CHD1L: variants seen among roughly 807,000 people sequenced by gnomAD.
CHD1L encodes chromodomain helicase DNA binding protein 1 like.
A neutral mutation model predicts 115.9 loss-of-function variants in CHD1L; 118 were observed. That is an observed-to-expected ratio of 1.02 (90% confidence interval 0.88 to 1.19). The LOEUF (loss-of-function observed/expected upper bound fraction) is 1.19. Ranked by LOEUF, CHD1L falls within the 50% of genes most tolerant of loss-of-function variation. The pLI, the probability that CHD1L is intolerant of heterozygous loss-of-function variation, is 0.00. For synonymous variants in CHD1L, 411 were observed against 387.1 expected, an observed-to-expected ratio of 1.06 and a Z score of -0.72; for missense variants, 1,179 against 1,065.3, an observed-to-expected ratio of 1.11 and a Z score of -1.49.
At chr1:147,185,107 G>A in the CHD1L span, among the ~76,000 whole-genome samples, 11 of 152,074 alleles carry the variant, frequency 7.2e-5, no homozygotes, top group South Asian at 1.2e-3. Flanking sequence ...TGTATCTTAA[G>A]TTGTTTTGAG....
At chr1:147,184,449 C>T in the CHD1L span, 5 of 1,381,874 alleles carry the variant, frequency 3.6e-6, no homozygotes, top group Admixed American at 7.0e-5. This position sits in a 1 kb window ranked among gnomAD's most constrained non-coding sequence, Gnocchi z 4.4. Flanking sequence ...AGTTCTTTTT[C>T]TGTTGCAGGA....
chr1:147,256,502 C>T, intron 4 of CHD1L, 29 bp from the exon 5 acceptor site: 2 of 1,604,920 alleles, frequency 1.2e-6, no homozygotes, highest in South Asian at 1.1e-5. Context: ...CAATGCCAGC[C>T]TTTATAACGT....
the CHD1L span, among the ~76,000 whole-genome samples, chr1:147,176,999 A>C: frequency 2.6e-5 from 4 of 151,932 alleles, no homozygotes; most frequent in Admixed American, 6.6e-5. Context: ...ACACACATAT[A>C]TTTCCAAGTT....
chr1:147,259,661 C>T, intron 5 of CHD1L, 176 bp from the exon 6 acceptor site: 3 of 533,830 alleles, frequency 5.6e-6, no homozygotes, highest in Non-Finnish European at 6.7e-6. Flanking sequence ...CTACCTTATC[C>T]AGATATTGTA....
At chr1:147,190,318 A>G in the CHD1L span, 11 of 982,244 alleles carry the variant, frequency 1.1e-5, no homozygotes, top group African/African-American at 1.3e-4. Context: ...ATAAACAATT[A>G]CTATGCTATG....
chr1:147,225,074 A>C, the CHD1L span: 1 of 1,612,692 alleles, frequency 6.2e-7, no homozygotes, highest in Non-Finnish European at 8.5e-7. Context: ...GTCCTAAAGA[A>C]AGGATGACAA....
rs782217153 is a variant in CHD1L at position 147,276,188 on chromosome 1, C to T, written c.1470C>T (p.Thr490=). The change falls in exon 14 of 23, where the codon ACC becomes ACT. Residue 490 remains threonine (T), a synonymous_variant. Transcript: ENST00000369258. ...AAGCAGCCTCCAAACTGCAGCTCACCAACATGATCATAGAAGGAGGCCATT... is the reference window on the plus strand; with the variant it reads ...AAGCAGCCTCCAAACTGCAGCTCACTAACATGATCATAGAAGGAGGCCATT... ...YRKAASKLQL[T]NMIIEGGHFT... The T allele has an allele frequency of 6.2e-7, 1 of 1,614,152 alleles. No individual in the cohort carries two copies. The highest frequency in any genetic ancestry group is 8.5e-7 in the Non-Finnish European group (1 of 1,180,012).
the CHD1L span, among the ~76,000 whole-genome samples, chr1:147,231,579 A>G: frequency 0.58 from 88,580 of 151,940 alleles, 27,862 homozygotes; most frequent in East Asian, 0.87. Flanking sequence ...TTTGTGTCAC[A>G]TTGATCTGTC....
At chr1:147,213,273 G>A in the CHD1L span, 1 of 1,548,702 alleles carries the variant, frequency 6.5e-7, no homozygotes, top group Non-Finnish European at 8.7e-7. Context: ...TCACAGGCAT[G>A]GGTCAAGGGT....
Position 147,270,152 on chromosome 1 carries a change from C to T in CHD1L, c.1086-780C>T, listed in dbSNP as rs781939472. On this transcript the variant is annotated intron_variant, in intron 10 of 22. Coordinates refer to ENST00000369258, the MANE Select transcript of CHD1L (RefSeq NM_004284.6). ...CTTGAAAGAGTTCCCCATAATTTTT[C>T]CTCTTACACTTGTTGCAAGCTCAGA... Among the ~76,000 whole-genome samples the T allele has an allele frequency of 8.5e-5, 13 of 152,304 alleles. No homozygotes were observed. The South Asian group carries it at 2.1e-3, about 24-fold the overall frequency.
Position 147,285,464 on chromosome 1 carries a change from G to A in CHD1L, c.1995G>A (p.Lys665=). ...RRLIEEKKRQ[K]EEAEHKKKMA... ...TCATAGAGGAGAAGAAGAGGCAAAA[G>A]GAAGAGGCTGAACATAAGAAAAAGT... The change falls in exon 17 of 23, where the codon AAG becomes AAA. Residue 665 remains lysine, a synonymous_variant. Transcript: ENST00000369258. 6.2e-7 allele frequency: 1 copy of A among 1,612,528 alleles called. No individual in the cohort carries two copies.
chr1:147,179,394 G>A, the CHD1L span: 205 of 1,599,320 alleles, frequency 1.3e-4, no homozygotes, highest in East Asian at 3.7e-3. Flanking sequence ...GCAAAGACCT[G>A]AATATCGTCA....
At chr1:147,233,785 G>C in the CHD1L span, among the ~76,000 whole-genome samples, 10 of 151,874 alleles carry the variant, frequency 6.6e-5, no homozygotes, top group East Asian at 7.7e-4. Flanking sequence ...CTGTTGATCT[G>C]TGACCTTACC....
chr1:147,273,602 G>A (rs1233553743), intron 12 of CHD1L, among the ~76,000 whole-genome samples: 2 of 152,220 alleles, frequency 1.3e-5, no homozygotes, highest in Non-Finnish European at 2.9e-5. Flanking sequence ...GAATCAGGCA[G>A]TGCATCATCA....
chr1:147,294,367 AT>A, intron 21 of CHD1L, 41 bp from the exon 22 acceptor site: 2 of 1,454,446 alleles, frequency 1.4e-6, no homozygotes, highest in Non-Finnish European at 1.9e-6. Flanking sequence ...CCATCAATCA[AT>A]TTTTGATGAG....
chr1:147,217,132 C>T, the CHD1L span, among the ~76,000 whole-genome samples: 4 of 151,750 alleles, frequency 2.6e-5, no homozygotes, highest in Non-Finnish European at 5.9e-5. Flanking sequence ...CCCAGCTAGT[C>T]GGGGGGCTGA....
intron 14 of CHD1L, among the ~76,000 whole-genome samples, chr1:147,277,593 T>C (rs1471966484): frequency 2.0e-5 from 3 of 152,194 alleles, no homozygotes; most frequent in Non-Finnish European, 4.4e-5. Flanking sequence ...TTTCTTTTTC[T>C]GACTTTCCTT....
intron 4 of CHD1L, 96 bp from the exon 5 acceptor site, chr1:147,256,435 A>G: frequency 9.2e-7 from 1 of 1,086,478 alleles, no homozygotes; most frequent in Non-Finnish European, 1.4e-6. Flanking sequence ...AGACTTAGAT[A>G]AATCCTATAG....
At chr1:147,213,769 C>G in the CHD1L span, among the ~76,000 whole-genome samples, 70 of 152,266 alleles carry the variant, frequency 4.6e-4, no homozygotes, top group African/African-American at 1.5e-3. Flanking sequence ...TGAGTAAAGC[C>G]TGGGCTTCTC....
Sources: gnomAD v4.1 joint callset for allele counts (sites outside exome capture counted in the v4.1 genomes callset) on GRCh38, gnomAD v4.1.1 for gene constraint, Gnocchi (gnomAD v3.1) non-coding constraint, MANE v1.5 for transcripts, NCBI Gene and HGNC (gene_info 2026-07-23, HGNC 2026-07-21) for gene names.